The following CMSS1 variants were observed in gnomAD, a reference collection of about 807,000 sequenced individuals.
The protein encoded by CMSS1 is protein CMSS1.
In CMSS1, 33 loss-of-function variants were observed where a neutral mutation model predicts 43.5. The observed-to-expected ratio is 0.76, with a 90% CI of 0.57 to 1.01. CMSS1 has a LOEUF of 1.01. Among genes scored for constraint, CMSS1 ranks in the 50% least tolerant of loss-of-function variants. CMSS1 has a pLI of 0.00. For synonymous variants in CMSS1, 115 were observed against 117.2 expected (o/e 0.98, Z 0.12); for missense variants, 313 against 326.4 (o/e 0.96, Z 0.32).
intron 1 of CMSS1, among the ~76,000 whole-genome samples, chr3:100,017,442 A>G (rs1018717644): frequency 1.3e-5 from 2 of 152,228 alleles, no homozygotes; most frequent in Non-Finnish European, 2.9e-5. Context: ...GCACCACTTT[A>G]TCCTCTTTAA....
chr3:99,995,053 A>T (rs1478600471), intron 1 of CMSS1, among the ~76,000 whole-genome samples: 2 of 152,154 alleles, frequency 1.3e-5, no homozygotes, highest in East Asian at 3.9e-4. Flanking sequence ...CAGCACCCAA[A>T]GTCTTAACTC....
chr3:100,110,775 C>T (rs2107476297), intron 1 of CMSS1, among the ~76,000 whole-genome samples: 1 of 152,212 alleles, frequency 6.6e-6, no homozygotes, highest in East Asian at 1.9e-4. Flanking sequence ...TTTCCTCTTA[C>T]CCATGATAAA....
intron 1 of CMSS1, chr3:99,849,873 A>G (rs1943574406): frequency 4.3e-6 from 7 of 1,610,928 alleles, no homozygotes; most frequent in Non-Finnish European, 5.9e-6. Flanking sequence ...TTTTTAGGAA[A>G]TCTTTCTCAA....
chr3:100,174,436 A>G (rs2067133301), intron 8 of CMSS1, among the ~76,000 whole-genome samples: 1 of 151,958 alleles, frequency 6.6e-6, no homozygotes, highest in South Asian at 2.1e-4. Flanking sequence ...AAGCAAAGCT[A>G]TCCAGACTAT....
At chr3:100,023,796 C>T (rs1490750907) in intron 1 of CMSS1, among the ~76,000 whole-genome samples, 2 of 152,156 alleles carry the variant, frequency 1.3e-5, no homozygotes, top group African/African-American at 4.8e-5. Flanking sequence ...ATGTCTTACT[C>T]TCAGGAAAGC....
intron 1 of CMSS1, among the ~76,000 whole-genome samples, chr3:100,107,111 A>G (rs1270077334): frequency 6.6e-6 from 1 of 152,122 alleles, no homozygotes; most frequent in East Asian, 1.9e-4. Flanking sequence ...GAAAATCTTT[A>G]TATTCTTCCA....
chr3:99,948,752 GAAAAGGAAGGAAGGAAAGAAAAAGAGA>G (rs753546520), intron 1 of CMSS1, among the ~76,000 whole-genome samples: 54 of 150,810 alleles, frequency 3.6e-4, no homozygotes, highest in Non-Finnish European at 6.9e-4. Context: ...GAAAAAAGAG[GAAAAGGAAGGAAGGAAAGAAAAAGAGA>G]AAGGAAAGAA....
At chr3:99,913,451 G>GA (rs1706856442) in intron 1 of CMSS1, among the ~76,000 whole-genome samples, 1 of 152,154 alleles carries the variant, frequency 6.6e-6, no homozygotes, top group African/African-American at 2.4e-5. Flanking sequence ...AAGGAAAGTA[G>GA]AAAGTAAGAG....
chr3:100,106,477 G>C (rs547462683), intron 1 of CMSS1, among the ~76,000 whole-genome samples: 14 of 152,278 alleles, frequency 9.2e-5, no homozygotes, highest in African/African-American at 3.4e-4. Context: ...GGTGGCAGAT[G>C]ATCTGGAGCC....
intron 1 of CMSS1, among the ~76,000 whole-genome samples, chr3:99,957,405 A>G (rs879827381): frequency 6.6e-6 from 1 of 152,200 alleles, no homozygotes; most frequent in Non-Finnish European, 1.5e-5. Context: ...AATAGTTGTG[A>G]TATTTTTGAA....
chr3:100,055,210 A>G lies in CMSS1; in HGVS notation c.65-91763A>G, dbSNP rs557934559. On this transcript the variant is annotated intron_variant, in intron 1 of 9. Coordinates refer to ENST00000421999, the MANE Select transcript of CMSS1 (RefSeq NM_032359.4). ...CTCTTATCAATTTCTTCGTGTATGC[A>G]TAGGATTTCCAGTACAAGAGTATCA... 2.6e-5 allele frequency among the ~76,000 whole-genome samples: 4 copies of G among 152,322 alleles called. No homozygotes were observed. In the East Asian group the frequency reaches 7.7e-4, roughly 29 times the overall value.
At chr3:100,112,446 A>G (rs1435976367) in intron 1 of CMSS1, among the ~76,000 whole-genome samples, 1 of 152,224 alleles carries the variant, frequency 6.6e-6, no homozygotes, top group Non-Finnish European at 1.5e-5. Context: ...ACAATAAAAT[A>G]TCTTCATTTC....
intron 1 of CMSS1, among the ~76,000 whole-genome samples, chr3:100,005,350 G>A (rs1485080941): frequency 6.6e-6 from 1 of 152,150 alleles, no homozygotes; most frequent in Non-Finnish European, 1.5e-5. Context: ...GGAGGTTAGG[G>A]GGTTCAGATT....
chr3:100,108,564 C>G (rs372049115), intron 1 of CMSS1, among the ~76,000 whole-genome samples: 55 of 152,264 alleles, frequency 3.6e-4, no homozygotes, highest in Middle Eastern at 6.8e-3. Context: ...GGTTTTGACT[C>G]TGATTTTGTT....
chr3:100,117,825 G>GTATGTATGTATGTA (rs2066584567), intron 1 of CMSS1, among the ~76,000 whole-genome samples: 1 of 75,138 alleles, frequency 1.3e-5, no homozygotes, highest in African/African-American at 6.2e-5. Context: ...ATAAACTGCA[G>GTATGTATGTATGTA]TATATATATA....
intron 1 of CMSS1, among the ~76,000 whole-genome samples, chr3:100,134,843 G>T (rs1247339926): frequency 6.6e-6 from 1 of 152,168 alleles, no homozygotes; most frequent in Non-Finnish European, 1.5e-5. Context: ...CTTGCTTAAA[G>T]ACCAGTGCCA....
At chr3:99,865,766 A>T (rs890168897) in intron 1 of CMSS1, among the ~76,000 whole-genome samples, 4 of 151,800 alleles carry the variant, frequency 2.6e-5, no homozygotes, top group African/African-American at 9.7e-5. Context: ...ATATATATAT[A>T]TATATCCTTA....
chr3:100,091,478 T>C (rs1233932529), intron 1 of CMSS1, among the ~76,000 whole-genome samples: 1 of 152,214 alleles, frequency 6.6e-6, no homozygotes, highest in Non-Finnish European at 1.5e-5. Context: ...AGCAGCCAGT[T>C]TTAAAGATGC....
intron 1 of CMSS1, among the ~76,000 whole-genome samples, chr3:99,956,637 G>A (rs1708328005): frequency 6.6e-6 from 1 of 152,212 alleles, no homozygotes; most frequent in Non-Finnish European, 1.5e-5. Flanking sequence ...GTGAGCCCCC[G>A]CGCCCAGCCA....
Sources: allele counts gnomAD v4.1 joint callset (sites outside exome capture counted in the v4.1 genomes callset), GRCh38; gene constraint gnomAD v4.1.1; transcripts MANE v1.5; gene names NCBI Gene and HGNC (gene_info 2026-07-23, HGNC 2026-07-21).